Variants in ARHGAP26 observed in about 807,000 individuals in gnomAD.
ARHGAP26 encodes the protein Rho GTPase activating protein 26.
ARHGAP26 carries 38 observed loss-of-function variants against 104.8 expected under a neutral mutation model. The ratio of observed to expected loss-of-function variants is 0.36; its 90% confidence interval spans 0.28 to 0.48. The LOEUF (loss-of-function observed/expected upper bound fraction) is 0.48, where lower values mean the gene tolerates loss of function less well. Among genes scored for constraint, ARHGAP26 ranks in the 20% least tolerant of loss-of-function variants. The probability of loss-of-function intolerance (pLI) is 0.99; values close to 1 mark genes in which losing one functional copy is unlikely to be tolerated. For synonymous variants in ARHGAP26, 341 were observed against 340.0 expected, an observed-to-expected ratio of 1.00 and a Z score of -0.03; for missense variants, 704 against 947.9, an observed-to-expected ratio of 0.74 and a Z score of 3.38.
intron 1 of ARHGAP26, among the ~76,000 whole-genome samples, chr5:142,813,557 C>T (rs564050524): frequency 1.3e-5 from 2 of 152,288 alleles, no homozygotes; most frequent in African/African-American, 4.8e-5. Flanking sequence ...ACTTGGTGTT[C>T]TCATAATTCT....
intron 11 of ARHGAP26, among the ~76,000 whole-genome samples, chr5:142,990,045 GT>G (rs1775362568): frequency 6.6e-6 from 1 of 152,168 alleles, no homozygotes; most frequent in Non-Finnish European, 1.5e-5. Flanking sequence ...ATCCTGCAGA[GT>G]GTTTTCCAGC....
intron 12 of ARHGAP26, among the ~76,000 whole-genome samples, chr5:143,028,384 A>G (rs1414096873): frequency 2.0e-5 from 3 of 152,242 alleles, no homozygotes; most frequent in Non-Finnish European, 2.9e-5. Context: ...ACTGTAATGT[A>G]TTATCCCTCA....
intron 20 of ARHGAP26, among the ~76,000 whole-genome samples, chr5:143,166,282 C>A (rs995672221): frequency 1.3e-5 from 2 of 152,142 alleles, no homozygotes; most frequent in Admixed American, 1.3e-4. Context: ...ACCCTCAGAT[C>A]AGGGTGACTG....
chr5:142,915,030 G>A (rs546617368), intron 10 of ARHGAP26, among the ~76,000 whole-genome samples: 50 of 152,280 alleles, frequency 3.3e-4, no homozygotes, highest in African/African-American at 1.2e-3. Context: ...GCCCAAATTT[G>A]CTTTCTGAAG....
chr5:142,944,215 T>C (rs1315075973), intron 11 of ARHGAP26, among the ~76,000 whole-genome samples: 1 of 152,214 alleles, frequency 6.6e-6, no homozygotes, highest in Admixed American at 6.5e-5. Flanking sequence ...CATCTAGAAA[T>C]AAACCCTTCT....
chr5:143,005,397 G>T (rs1174113091), intron 11 of ARHGAP26, among the ~76,000 whole-genome samples: 5 of 152,224 alleles, frequency 3.3e-5, no homozygotes, highest in African/African-American at 9.6e-5. Flanking sequence ...AAATGAGTGA[G>T]TGTCATCGGC....
In ARHGAP26 at chr5:143,224,113, T is replaced by A. The variant is rs988358662; in HGVS notation, c.*1667T>A. 6 of 229,458 alleles carry A rather than the reference T, an allele frequency of 2.6e-5. No individual in the cohort carries two copies. Among genetic ancestry groups the A allele is most frequent in the African/African-American group, 1.3e-4 (6 of 45,210 alleles). The allele number at this position is 229,458 out of a possible 1,614,324, so 14.2% of individuals were successfully genotyped here. On this transcript the variant is annotated 3_prime_UTR_variant, in exon 23 of 23. Coordinates refer to ENST00000645722, the MANE Select transcript of ARHGAP26 (RefSeq NM_001135608.3). ...TGAATTACTGTATCTTTTACTTTTT[T>A]TTTTTTGAAAAGATAAACTTGTAAA...
chr5:142,989,745 G>C lies in ARHGAP26; in HGVS notation c.1108-24335G>C, dbSNP rs553801157. ...AGTTTGGCTGGATATGAAATTCTGG[G>C]TTGAAAATTCTTTTCTTTAAGAATG... On this transcript the variant is annotated intron_variant, in intron 11 of 22. Coordinates refer to ENST00000645722, the MANE Select transcript of ARHGAP26 (RefSeq NM_001135608.3). 2.0e-5 allele frequency among the ~76,000 whole-genome samples: 3 copies of C among 152,260 alleles called. No homozygotes were observed. In the East Asian group the frequency reaches 5.8e-4, roughly 29 times the overall value.
At chr5:142,978,440 T>G (rs1195245633) in intron 11 of ARHGAP26, among the ~76,000 whole-genome samples, 2 of 152,232 alleles carry the variant, frequency 1.3e-5, no homozygotes, top group African/African-American at 4.8e-5. Flanking sequence ...GCTCTCATCA[T>G]TGACATAACC....
chr5:143,201,358 T>C (rs559677381), intron 20 of ARHGAP26, among the ~76,000 whole-genome samples: 5 of 152,332 alleles, frequency 3.3e-5, no homozygotes, highest in African/African-American at 9.6e-5. Flanking sequence ...ATTGTAGTTA[T>C]AAAATCATTT....
intron 18 of ARHGAP26, among the ~76,000 whole-genome samples, chr5:143,123,689 C>T (rs753565472): frequency 6.6e-6 from 1 of 151,976 alleles, no homozygotes; most frequent in African/African-American, 2.4e-5. Flanking sequence ...CCCATCTCTA[C>T]AAAAAATAAA....
At chr5:143,132,228 G>A (rs1366475357) in intron 18 of ARHGAP26, among the ~76,000 whole-genome samples, 1 of 152,086 alleles carries the variant, frequency 6.6e-6, no homozygotes, top group African/African-American at 2.4e-5. Context: ...CCAACCCATG[G>A]AGAGCAGCTG....
intron 14 of ARHGAP26, 67 bp downstream of exon 14, chr5:143,041,957 G>C: frequency 7.3e-7 from 1 of 1,370,966 alleles, no homozygotes; most frequent in Non-Finnish European, 1.0e-6. Context: ...AAGTCACCAG[G>C]TCTGTGAGTA....
At chr5:142,956,246 G>C (rs186364884) in intron 11 of ARHGAP26, among the ~76,000 whole-genome samples, 68 of 152,030 alleles carry the variant, frequency 4.5e-4, no homozygotes, top group Non-Finnish European at 6.2e-4. Flanking sequence ...AGGACATCTT[G>C]TCTGTGTCCT....
intron 22 of ARHGAP26, 78 bp from the exon 23 acceptor site, chr5:143,222,280 C>T: frequency 1.1e-6 from 1 of 869,624 alleles, no homozygotes; most frequent in Non-Finnish European, 1.7e-6. Context: ...CACACACACA[C>T]ACACCCCACA....
At chr5:142,863,386 C>T (rs190162963) in intron 1 of ARHGAP26, among the ~76,000 whole-genome samples, 90 of 152,302 alleles carry the variant, frequency 5.9e-4, no homozygotes, top group African/African-American at 2.1e-3. Context: ...GGATTACAGG[C>T]GTGAGCCACT....
At chr5:143,063,627 T>A (rs373623128) in intron 17 of ARHGAP26, among the ~76,000 whole-genome samples, 6 of 152,334 alleles carry the variant, frequency 3.9e-5, no homozygotes, top group Admixed American at 2.0e-4. Flanking sequence ...GGCAAATGCA[T>A]GAAGAGTCTC....
At chr5:143,086,101 A>G (rs1295217210) in intron 17 of ARHGAP26, among the ~76,000 whole-genome samples, 1 of 152,192 alleles carries the variant, frequency 6.6e-6, no homozygotes, top group Non-Finnish European at 1.5e-5. Context: ...TATCACCTGT[A>G]AAAGAACAGG....
At chr5:143,139,412 C>T (rs1027147454) in intron 19 of ARHGAP26, among the ~76,000 whole-genome samples, 1 of 152,176 alleles carries the variant, frequency 6.6e-6, no homozygotes, top group Admixed American at 6.5e-5. Context: ...TCTAGTCTTC[C>T]TTCCCTATAC....
Sources: gnomAD v4.1 joint callset for allele counts (sites outside exome capture counted in the v4.1 genomes callset) on GRCh38, gnomAD v4.1.1 for gene constraint, MANE v1.5 for transcripts, NCBI Gene and HGNC (gene_info 2026-07-23, HGNC 2026-07-21) for gene names.